SLC22A25: variants seen among roughly 807,000 people sequenced by gnomAD.
SLC22A25 encodes the protein solute carrier family 22 member 25.
In SLC22A25, 44 loss-of-function variants were observed where a neutral mutation model predicts 45.9. The ratio of observed to expected loss-of-function variants is 0.96; its 90% CI spans 0.75 to 1.23. The LOEUF (loss-of-function observed/expected upper bound fraction) is 1.23. SLC22A25 is among the 50% of genes most tolerant of loss of function. SLC22A25 has a pLI of 0.00. For missense variants in SLC22A25, 800 were observed against 666.4 expected, an observed-to-expected ratio of 1.20 and a Z score of -2.21; for synonymous variants, 283 against 238.6, an observed-to-expected ratio of 1.19 and a Z score of -1.72.
Position 63,164,058 on chromosome 11 carries a change from T to A in SLC22A25, c.1410A>T (p.Gly470=). The change falls in exon 12 of 12, where the codon GGA becomes GGT. Residue 470 remains glycine, a synonymous_variant. Coordinates refer to ENST00000306494, the MANE Select transcript of SLC22A25 (RefSeq NM_199352.6). ...IPSIIRGRAT[G]ITGNFANIGG... ...CAATATTAGCAAAGTTTCCAGTGATTCCAGTAGCTCTTCCCCTTGGAGTAA... is the reference window on the plus strand; with the variant it reads ...CAATATTAGCAAAGTTTCCAGTGATACCAGTAGCTCTTCCCCTTGGAGTAA... 6.3e-7 allele frequency: 1 copy of A among 1,599,140 alleles called. No homozygotes were observed. Among genetic ancestry groups the A allele is most frequent in the Non-Finnish European group, 8.5e-7 (1 of 1,172,532 alleles).
intron 9 of SLC22A25, among the ~76,000 whole-genome samples, chr11:63,169,510 G>A (rs922053539): frequency 9.9e-5 from 15 of 152,166 alleles, no homozygotes; most frequent in Non-Finnish European, 1.6e-4. Context: ...AGCAGGGATT[G>A]CAATCCTATT....
chr11:63,213,153 A>G (rs1336442943), intron 7 of SLC22A25, among the ~76,000 whole-genome samples: 9 of 152,202 alleles, frequency 5.9e-5, no homozygotes, highest in Admixed American at 5.9e-4. Context: ...TAGGTGTGGC[A>G]GGATTCTGCC....
intron 5 of SLC22A25, among the ~76,000 whole-genome samples, chr11:63,220,811 C>T (rs1206184164): frequency 1.3e-5 from 2 of 152,120 alleles, no homozygotes; most frequent in African/African-American, 2.4e-5. Context: ...TATCATTTTA[C>T]TCTCTATGTC....
chr11:63,166,333 C>A, intron 9 of SLC22A25, 75 bp from the exon 10 acceptor site: 1 of 1,545,622 alleles, frequency 6.5e-7, no homozygotes, highest in Non-Finnish European at 8.7e-7. Context: ...TAATATTGGC[C>A]CAGGTAGCCA....
At chr11:63,164,760 G>A (rs984873088) in intron 10 of SLC22A25, 126 bp from the exon 11 acceptor site, 2 of 695,576 alleles carry the variant, frequency 2.9e-6, no homozygotes, top group East Asian at 5.4e-5. Flanking sequence ...TAGGAAAACT[G>A]CATAGAGGCA....
intron 1 of SLC22A25, among the ~76,000 whole-genome samples, chr11:63,240,253 A>G (rs1364295383): frequency 1.3e-5 from 2 of 152,356 alleles, no homozygotes; most frequent in East Asian, 3.9e-4. Context: ...ATCTTGCAGT[A>G]CTGGAAGTTG....
At chr11:63,210,034 T>C (rs886211662) in intron 7 of SLC22A25, among the ~76,000 whole-genome samples, 13 of 152,182 alleles carry the variant, frequency 8.5e-5, no homozygotes, top group African/African-American at 1.2e-4. Flanking sequence ...ATGAGTAAAA[T>C]ATCAGAAGTG....
chr11:63,175,335 G>A (rs1275280878), intron 9 of SLC22A25, among the ~76,000 whole-genome samples: 22 of 151,968 alleles, frequency 1.4e-4, no homozygotes, highest in Admixed American at 1.4e-3. Context: ...ATATCTGATT[G>A]TAGTTTTGAC....
intron 9 of SLC22A25, among the ~76,000 whole-genome samples, chr11:63,168,657 T>C (rs574661015): frequency 6.6e-6 from 1 of 152,184 alleles, no homozygotes; most frequent in South Asian, 2.1e-4. Flanking sequence ...CCAAGAAATA[T>C]GGGACTCTGT....
intron 3 of SLC22A25, among the ~76,000 whole-genome samples, chr11:63,235,916 C>T (rs1294859637): frequency 1.3e-5 from 2 of 152,176 alleles, no homozygotes; most frequent in Admixed American, 1.3e-4. Context: ...TACCCCAGAG[C>T]CTGTTTGCCT....
chr11:63,212,859 C>T (rs1051022927), intron 7 of SLC22A25, among the ~76,000 whole-genome samples: 1 of 151,726 alleles, frequency 6.6e-6, no homozygotes, highest in Admixed American at 6.6e-5. Flanking sequence ...GATCTTGAGG[C>T]TTTTGCACCA....
At chr11:63,220,969 T>C (rs1565117419) in intron 5 of SLC22A25, among the ~76,000 whole-genome samples, 1 of 152,236 alleles carries the variant, frequency 6.6e-6, no homozygotes, top group Non-Finnish European at 1.5e-5. Context: ...TTCTTTTTTA[T>C]GGCTGAATAA....
At chr11:63,237,337 G>A (rs913083043) in intron 3 of SLC22A25, among the ~76,000 whole-genome samples, 5 of 152,166 alleles carry the variant, frequency 3.3e-5, no homozygotes, top group Admixed American at 6.5e-5. Flanking sequence ...AAAGAGACGA[G>A]ACCTTTAAGA....
At chr11:63,243,128 C>T (rs906303357) in intron 1 of SLC22A25, 7 of 175,470 alleles carry the variant, frequency 4.0e-5, no homozygotes, top group South Asian at 1.4e-4. Context: ...CTCAGAGCCA[C>T]GAGGGACTGC....
chr11:63,213,867 C>T (rs1161702674), intron 7 of SLC22A25, among the ~76,000 whole-genome samples: 4 of 152,046 alleles, frequency 2.6e-5, no homozygotes, highest in South Asian at 2.1e-4. Flanking sequence ...AGATGGGGTG[C>T]GATATGCAAG....
At chr11:63,227,085 G>T (rs1294224854) in intron 5 of SLC22A25, among the ~76,000 whole-genome samples, 3 of 152,114 alleles carry the variant, frequency 2.0e-5, no homozygotes, top group Non-Finnish European at 2.9e-5. Flanking sequence ...CTGCCCAAGA[G>T]CTAAGACCTA....
intron 7 of SLC22A25, among the ~76,000 whole-genome samples, chr11:63,215,415 C>A (rs1348553915): frequency 2.0e-5 from 3 of 152,116 alleles, no homozygotes; most frequent in Non-Finnish European, 4.4e-5. Flanking sequence ...GGGAATATCA[C>A]ATCCTGGGGC....
Position 63,163,641 on chromosome 11 carries a change from C to A in SLC22A25, c.*183G>T. On this transcript the variant is annotated 3_prime_UTR_variant, in exon 12 of 12. Coordinates refer to ENST00000306494, the MANE Select transcript of SLC22A25 (RefSeq NM_199352.6). ...GGTCTTTTCACCACAAATTAACCTC[C>A]TGGACAGGCTGGGCAGAGATGGTCT... 1 of 879,524 alleles carries A rather than the reference C, an allele frequency of 1.1e-6. No individual in the cohort carries two copies. Among genetic ancestry groups the A allele is most frequent in the Non-Finnish European group, 1.6e-6 (1 of 612,038 alleles). The allele number at this position is 879,524 out of a possible 1,614,324, so 54.5% of individuals were successfully genotyped here.
chr11:63,225,685 A>C (rs1378453525), intron 5 of SLC22A25, among the ~76,000 whole-genome samples: 4 of 152,004 alleles, frequency 2.6e-5, no homozygotes, highest in Non-Finnish European at 5.9e-5. Context: ...TGTATTTGTG[A>C]AGTTCTCTCT....
Sources: gnomAD v4.1 joint callset for allele counts (sites outside exome capture counted in the v4.1 genomes callset) on GRCh38, gnomAD v4.1.1 for gene constraint, MANE v1.5 for transcripts, NCBI Gene and HGNC (gene_info 2026-07-23, HGNC 2026-07-21) for gene names.